FER: variants seen among roughly 807,000 people sequenced by gnomAD.
FER encodes tyrosine-protein kinase Fer.
A neutral mutation model predicts 111.0 loss-of-function variants in FER; 63 were observed. The observed-to-expected ratio is 0.57, with a 90% confidence interval of 0.46 to 0.70. FER has a LOEUF of 0.70. FER is among the 30% of genes least tolerant of loss of function. The pLI, the probability that FER is intolerant of heterozygous loss-of-function variation, is 0.00. For synonymous variants in FER, 327 were observed against 313.9 expected (o/e 1.04, Z -0.44); for missense variants, 914 against 954.0 (o/e 0.96, Z 0.55).
intron 5 of FER, among the ~76,000 whole-genome samples, chr5:108,853,021 A>G (rs540247679): frequency 6.6e-6 from 1 of 152,260 alleles, no homozygotes; most frequent in Non-Finnish European, 1.5e-5. Flanking sequence ...AAAACTTAAG[A>G]GAAGTTCTGT....
intron 13 of FER, among the ~76,000 whole-genome samples, chr5:108,985,232 A>G (rs946914180): frequency 6.6e-6 from 1 of 152,194 alleles, no homozygotes; most frequent in Non-Finnish European, 1.5e-5. Flanking sequence ...AACCATATGT[A>G]CAAATATAGC....
At chr5:108,946,891 T>C (rs1349927772) in intron 11 of FER, among the ~76,000 whole-genome samples, 2 of 151,974 alleles carry the variant, frequency 1.3e-5, no homozygotes, top group Non-Finnish European at 2.9e-5. Context: ...ACTAGTCTAA[T>C]TCTGGTCCTG....
intron 10 of FER, among the ~76,000 whole-genome samples, chr5:108,906,887 T>C (rs1561595497): frequency 6.6e-6 from 1 of 152,180 alleles, no homozygotes; most frequent in Non-Finnish European, 1.5e-5. Context: ...ATTCTACCAG[T>C]TGAAACCTGT....
chr5:108,758,854 G>T (rs924697698), intron 1 of FER, among the ~76,000 whole-genome samples: 5 of 152,064 alleles, frequency 3.3e-5, no homozygotes, highest in East Asian at 1.9e-4. Context: ...TGAGCAAAAC[G>T]CATTTACTAT....
intron 10 of FER, among the ~76,000 whole-genome samples, chr5:108,925,325 A>G (rs368905845): frequency 6.6e-6 from 1 of 152,126 alleles, no homozygotes; most frequent in East Asian, 1.9e-4. Context: ...GTTGGTGACC[A>G]TAACTGGTAA....
At chr5:109,152,000 G>A (rs1052801165) in intron 17 of FER, among the ~76,000 whole-genome samples, 4 of 151,956 alleles carry the variant, frequency 2.6e-5, no homozygotes, top group East Asian at 1.9e-4. Flanking sequence ...TGAGACTTTC[G>A]GGCAACCGTA....
intron 10 of FER, among the ~76,000 whole-genome samples, chr5:108,903,062 A>G (rs1206646219): frequency 6.6e-6 from 1 of 152,162 alleles, no homozygotes; most frequent in African/African-American, 2.4e-5. Context: ...TAACTTTATG[A>G]CAATATATGC....
intron 8 of FER, among the ~76,000 whole-genome samples, chr5:108,882,757 C>A (rs573896550): frequency 6.6e-6 from 1 of 151,548 alleles, no homozygotes; most frequent in African/African-American, 2.4e-5. Context: ...ATATGATAGC[C>A]ATGTATGTTT....
rs565414681 is a variant in FER, at chr5:108,748,800, T to G, written c.-206+800T>G. Among the ~76,000 whole-genome samples, 50 of 152,282 alleles carry G rather than the reference T, an allele frequency of 3.3e-4. No individual in the cohort carries two copies. The South Asian group carries it at 9.3e-3, about 28-fold the overall frequency. ...CCTGGGAGGTAGTGGAGGAGGGGGC[T>G]GAGGGCCGGGCGGCTGCGCCCGCCT... is the stretch of plus-strand genomic sequence containing the variant. On this transcript the variant is annotated intron_variant, in intron 1 of 19. Coordinates refer to ENST00000281092, the MANE Select transcript of FER (RefSeq NM_005246.4).
At chr5:108,934,372 G>A (rs907938903) in intron 10 of FER, among the ~76,000 whole-genome samples, 8 of 152,110 alleles carry the variant, frequency 5.3e-5, no homozygotes, top group African/African-American at 1.9e-4. Context: ...GATTGTTTAA[G>A]ACCATTTCAT....
At chr5:109,054,735 G>A (rs1773405508) in intron 16 of FER, among the ~76,000 whole-genome samples, 1 of 152,082 alleles carries the variant, frequency 6.6e-6, no homozygotes, top group Non-Finnish European at 1.5e-5. Context: ...TTTGAGTGTA[G>A]GACCCATTTC....
At chr5:108,754,539 C>A (rs1750872560) in intron 1 of FER, among the ~76,000 whole-genome samples, 1 of 151,044 alleles carries the variant, frequency 6.6e-6, no homozygotes, top group South Asian at 2.1e-4. Context: ...TTTAGTTTTT[C>A]TTATCATTCT....
Position 109,093,123 on chromosome 5 carries a change from T to C in FER, c.1925-7273T>C, listed in dbSNP as rs574569092. ...CAAGGAAGGGAAAACAGTGTTGTTG[T>C]TCAATGAGTGTAGAGTTTCAATCAA... On this transcript the variant is annotated intron_variant, in intron 16 of 19. Transcript: ENST00000281092. Among the ~76,000 whole-genome samples, 4 of 152,302 alleles carry C rather than the reference T, an allele frequency of 2.6e-5. No homozygotes were observed. The South Asian group carries it at 8.3e-4, about 32-fold the overall frequency.
At chr5:109,057,235 A>G (rs181002406) in intron 16 of FER, among the ~76,000 whole-genome samples, 23 of 152,348 alleles carry the variant, frequency 1.5e-4, no homozygotes, top group Admixed American at 4.6e-4. Flanking sequence ...TTAGAATAAG[A>G]GCAAATTAAA....
intron 13 of FER, among the ~76,000 whole-genome samples, chr5:108,983,438 A>G (rs73778377): frequency 0.018 from 2,670 of 152,168 alleles, 68 homozygotes; most frequent in African/African-American, 0.061. Context: ...ATATTTTAAA[A>G]TTGAGTAGAT....
rs199681006 is a variant in FER at position 108,990,267 on chromosome 5, G to C, written c.1656+30920G>C. Among the ~76,000 whole-genome samples the C allele has an allele frequency of 2.9e-4, 44 of 151,850 alleles. No individual in the cohort carries two copies. The East Asian group carries it at 8.3e-3, about 29-fold the overall frequency. On this transcript the variant is annotated intron_variant, in intron 13 of 19. Transcript: ENST00000281092. ...TTTTGCTAGCTTGTTTTAACTTGGTGGTTTTCATTTGAATTCTCCTGTAGA... is the reference window on the plus strand; with the variant it reads ...TTTTGCTAGCTTGTTTTAACTTGGTCGTTTTCATTTGAATTCTCCTGTAGA...
At chr5:108,997,651 C>G (rs973475530) in intron 13 of FER, among the ~76,000 whole-genome samples, 2 of 152,088 alleles carry the variant, frequency 1.3e-5, no homozygotes, top group African/African-American at 4.8e-5. Flanking sequence ...AGCAGAGCTC[C>G]GGTGCTGTGC....
At chr5:109,129,508 C>T (rs890335387) in intron 17 of FER, among the ~76,000 whole-genome samples, 1 of 151,934 alleles carries the variant, frequency 6.6e-6, no homozygotes, top group Non-Finnish European at 1.5e-5. Flanking sequence ...CTTTCTACTT[C>T]CATATAACAA....
intron 10 of FER, among the ~76,000 whole-genome samples, chr5:108,928,718 T>C (rs999155245): frequency 6.6e-6 from 1 of 151,902 alleles, no homozygotes; most frequent in African/African-American, 2.4e-5. Flanking sequence ...TATATATATG[T>C]ATATAAACTG....
Sources: gnomAD v4.1 joint callset for allele counts (sites outside exome capture counted in the v4.1 genomes callset) on GRCh38, gnomAD v4.1.1 for gene constraint, MANE v1.5 for transcripts, NCBI Gene and HGNC (gene_info 2026-07-23, HGNC 2026-07-21) for gene names.